NCKAP5: variants seen among roughly 807,000 people sequenced by gnomAD.
The protein encoded by NCKAP5 is NCK associated protein 5.
NCKAP5 carries 92 observed loss-of-function variants against 167.0 expected under a neutral mutation model. The ratio of observed to expected loss-of-function variants is 0.55; its 90% CI spans 0.47 to 0.66. The LOEUF (loss-of-function observed/expected upper bound fraction) is 0.66. Ranked by LOEUF, NCKAP5 falls within the 30% of genes least tolerant of loss-of-function variation. The probability of loss-of-function intolerance (pLI) is 0.00; values close to 1 mark genes in which losing one functional copy is unlikely to be tolerated. For synonymous variants in NCKAP5, 891 were observed against 877.4 expected, an observed-to-expected ratio of 1.02 and a Z score of -0.27; for missense variants, 2,378 against 2,315.0, an observed-to-expected ratio of 1.03 and a Z score of -0.56.
chr2:133,542,751 G>A (rs915280042), intron 2 of NCKAP5, among the ~76,000 whole-genome samples: 7 of 152,126 alleles, frequency 4.6e-5, no homozygotes, highest in African/African-American at 1.7e-4. Flanking sequence ...CTTAAACTCT[G>A]CAGACTATAC....
chr2:132,820,065 G>A (rs1686589615), intron 11 of NCKAP5, among the ~76,000 whole-genome samples: 1 of 152,030 alleles, frequency 6.6e-6, no homozygotes, highest in African/African-American at 2.4e-5. Flanking sequence ...TATGCTATAG[G>A]TGTCCTAGGT....
intron 8 of NCKAP5, among the ~76,000 whole-genome samples, chr2:132,886,156 G>A (rs928124691): frequency 7.8e-6 from 1 of 127,482 alleles, no homozygotes; most frequent in Non-Finnish European, 1.6e-5. Flanking sequence ...CTTAAATGGG[G>A]ACACCTTTAA....
At chr2:133,186,940 G>T (rs941778864) in intron 5 of NCKAP5, among the ~76,000 whole-genome samples, 6 of 150,890 alleles carry the variant, frequency 4.0e-5, no homozygotes, top group Admixed American at 6.6e-5. Flanking sequence ...AATTTTTTTT[G>T]CATCTTAATT....
chr2:133,438,452 A>C (rs1690633505), intron 3 of NCKAP5, among the ~76,000 whole-genome samples: 2 of 152,224 alleles, frequency 1.3e-5, no homozygotes, highest in African/African-American at 4.8e-5. Flanking sequence ...GCAAAATAAA[A>C]CTTGAGAGGA....
intron 5 of NCKAP5, among the ~76,000 whole-genome samples, chr2:133,180,289 G>A (rs1300915199): frequency 6.6e-6 from 1 of 152,182 alleles, no homozygotes; most frequent in African/African-American, 2.4e-5. Context: ...TCTGTTGCCA[G>A]TAGACTTATC....
At chr2:133,213,281 T>A (rs1347431668) in intron 5 of NCKAP5, among the ~76,000 whole-genome samples, 1 of 152,106 alleles carries the variant, frequency 6.6e-6, no homozygotes, top group African/African-American at 2.4e-5. Context: ...ATATTGCAAA[T>A]AGTGAAGAGA....
intron 6 of NCKAP5, among the ~76,000 whole-genome samples, chr2:133,063,381 A>T (rs2149523566): frequency 6.6e-6 from 1 of 152,360 alleles, no homozygotes; most frequent in East Asian, 1.9e-4. Context: ...GTTTGAAGTT[A>T]CATATACACT....
chr2:133,472,617 A>G (rs915122969), intron 3 of NCKAP5, among the ~76,000 whole-genome samples: 1 of 152,126 alleles, frequency 6.6e-6, no homozygotes, highest in Non-Finnish European at 1.5e-5. Flanking sequence ...TTACCTCCCC[A>G]AACATTCTGC....
the NCKAP5 span, among the ~76,000 whole-genome samples, chr2:133,668,604 G>C: frequency 6.6e-6 from 1 of 151,704 alleles, no homozygotes; most frequent in Non-Finnish European, 1.5e-5. Context: ...ATGAATATTT[G>C]AACTGTTTGC....
intron 4 of NCKAP5, among the ~76,000 whole-genome samples, chr2:133,236,106 A>G (rs968726464): frequency 2.1e-5 from 3 of 139,744 alleles, no homozygotes; most frequent in Non-Finnish European, 3.1e-5. Context: ...AAAAGCTGTG[A>G]TATGTCTTAT....
At chr2:133,151,949 A>G (rs193144422) in intron 5 of NCKAP5, among the ~76,000 whole-genome samples, 6 of 152,094 alleles carry the variant, frequency 3.9e-5, no homozygotes, top group Non-Finnish European at 8.8e-5. Context: ...TCAATAAAAA[A>G]CAAAAACCAA....
chr2:133,465,165 C>G (rs7608445), intron 3 of NCKAP5, among the ~76,000 whole-genome samples: 1,254 of 112,318 alleles, frequency 0.011, 28 homozygotes, highest in African/African-American at 0.041. Context: ...CCCCTCCCCC[C>G]ACCCCACAAC....
At chr2:132,896,398 T>A in intron 8 of NCKAP5, among the ~76,000 whole-genome samples, 1 of 152,356 alleles carries the variant, frequency 6.6e-6, no homozygotes, top group South Asian at 2.1e-4. Context: ...ACACCACCCT[T>A]GTTCCTCTCC....
chr2:132,887,426 T>C (rs1692338684), intron 8 of NCKAP5, among the ~76,000 whole-genome samples: 1 of 151,596 alleles, frequency 6.6e-6, no homozygotes, highest in African/African-American at 2.4e-5. Context: ...TAATTGTGGC[T>C]TTTGCCATTA....
At chr2:133,185,891 C>CATAT (rs2084926687) in intron 5 of NCKAP5, among the ~76,000 whole-genome samples, 1 of 152,034 alleles carries the variant, frequency 6.6e-6, no homozygotes, top group Non-Finnish European at 1.5e-5. Flanking sequence ...GGTATAGAAC[C>CATAT]ATATCGTCAG....
intron 3 of NCKAP5, among the ~76,000 whole-genome samples, chr2:133,372,399 T>C (rs1412116958): frequency 6.6e-6 from 1 of 152,216 alleles, no homozygotes. Context: ...CTATGTGGGA[T>C]TTTAAGCCTG....
At chr2:132,776,519 C>T (rs1682564880) in intron 15 of NCKAP5, among the ~76,000 whole-genome samples, 1 of 152,168 alleles carries the variant, frequency 6.6e-6, no homozygotes, top group Non-Finnish European at 1.5e-5. Context: ...GCTCTTTCAG[C>T]TCTCCTGGGC....
chr2:133,189,729 C>G lies in NCKAP5; in HGVS notation c.207+23987G>C, dbSNP rs192787987. ...TGCAGAAAAGGCCTTTGACAAAATT[C>G]AACAATGCTTCATGCTAAAAACTAG... is the stretch of plus-strand genomic sequence containing the variant. On this transcript the variant is annotated intron_variant, in intron 5 of 19. Transcript: ENST00000409261. Among the ~76,000 whole-genome samples, 1,212 of 152,246 alleles carry G rather than the reference C, an allele frequency of 8.0e-3. 21 individuals are homozygous for G. The highest frequency in any genetic ancestry group is 0.028 in the African/African-American group (1,155 of 41,526).
intron 7 of NCKAP5, among the ~76,000 whole-genome samples, chr2:132,982,459 G>A (rs2077168568): frequency 6.6e-6 from 1 of 152,112 alleles, no homozygotes; most frequent in Admixed American, 6.5e-5. Context: ...TATACATGTG[G>A]TCTTTAAGAT....
Sources: gnomAD v4.1 joint callset for allele counts (sites outside exome capture counted in the v4.1 genomes callset) on GRCh38, gnomAD v4.1.1 for gene constraint, MANE v1.5 for transcripts, NCBI Gene and HGNC (gene_info 2026-07-23, HGNC 2026-07-21) for gene names.